STS: variants seen among roughly 807,000 people sequenced by gnomAD.
STS encodes steryl-sulfatase.
A neutral mutation model predicts 26.8 loss-of-function variants in STS; 7 were observed. The observed-to-expected ratio is 0.26, with a 90% CI of 0.15 to 0.49. The LOEUF (loss-of-function observed/expected upper bound fraction) is 0.49, where lower values mean the gene tolerates loss of function less well. Among genes scored for constraint, STS ranks in the 20% least tolerant of loss-of-function variants. The probability of loss-of-function intolerance (pLI) is 0.98; values close to 1 mark genes in which losing one functional copy is unlikely to be tolerated. For synonymous variants in STS, 199 were observed against 189.4 expected, an observed-to-expected ratio of 1.05 and a Z score of -0.42; for missense variants, 434 against 465.6, an observed-to-expected ratio of 0.93 and a Z score of 0.63.
chrX:7,253,300 T>C lies in STS; in HGVS notation c.101T>C (p.Ile34Thr), dbSNP rs912601713. The C allele has an allele frequency of 5.8e-6, 7 of 1,209,756 alleles. No individual in the cohort carries two copies. The highest frequency in any genetic ancestry group is 5.9e-5 in the East Asian group (2 of 33,756). The change falls in exon 3 of 11, where the codon ATT becomes ACT. Residue 34 changes from isoleucine (I) to threonine (T), a missense_variant. Physicochemically the swap from Ile to Thr is moderately conservative, Grantham distance 89 (BLOSUM62 -1). Coordinates refer to ENST00000674429, the MANE Select transcript of STS (RefSeq NM_001320752.2). ...IILVMADDLG[I>T]GDPGCYGNKT... ...CTGGTGATGGCTGACGACCTCGGCATTGGAGATCCTGGGTGCTATGGGAAC... is the reference window on the plus strand; with the variant it reads ...CTGGTGATGGCTGACGACCTCGGCACTGGAGATCCTGGGTGCTATGGGAAC...
intron 10 of STS, among the ~76,000 whole-genome samples, chrX:7,337,235 A>G (rs1424438172): frequency 8.9e-6 from 1 of 112,218 alleles, no homozygotes; most frequent in Non-Finnish European, 1.9e-5. Flanking sequence ...TTTTTCCTAG[A>G]AATATGTATT....
intron 2 of STS, among the ~76,000 whole-genome samples, chrX:7,228,139 G>A: frequency 9.0e-6 from 1 of 111,291 alleles, no homozygotes. Context: ...TGGGCATTTA[G>A]GTTGCTTCCA....
intron 2 of STS, among the ~76,000 whole-genome samples, chrX:7,226,565 G>A (rs1240589056): frequency 5.4e-5 from 6 of 111,314 alleles, no homozygotes; most frequent in Non-Finnish European, 7.5e-5. Flanking sequence ...TCTCTAAAAC[G>A]TTTGCATGAG....
At chrX:7,191,677 AT>A (rs1303592618) in intron 2 of STS, among the ~76,000 whole-genome samples, 3 of 107,853 alleles carry the variant, frequency 2.8e-5, no homozygotes, top group African/African-American at 1.0e-4. Context: ...GTCTGAGGGC[AT>A]AACCAGGTCT....
chrX:7,241,564 G>A (rs1263641486), intron 2 of STS, among the ~76,000 whole-genome samples: 24 of 112,058 alleles, frequency 2.1e-4, no homozygotes, highest in African/African-American at 7.5e-4. Flanking sequence ...AATGAAACAT[G>A]TTCTTAAAAT....
In STS at chrX:7,231,073, T is replaced by C. The variant is rs573307665; in HGVS notation, c.-4-22123T>C. ...ATGCTCATAGTGGCATTATTCATGA[T>C]TTTCCTAAAGTGAAAGCAACCCAGA... On this transcript the variant is annotated intron_variant, in intron 2 of 10. Coordinates refer to ENST00000674429, the MANE Select transcript of STS (RefSeq NM_001320752.2). Among the ~76,000 whole-genome samples the C allele has an allele frequency of 5.4e-5, 6 of 111,942 alleles. No homozygotes were observed. In the South Asian group the frequency reaches 1.5e-3, roughly 28 times the overall value.
chrX:7,321,386 T>TA (rs1380096009), intron 8 of STS, among the ~76,000 whole-genome samples: 1 of 111,757 alleles, frequency 8.9e-6, no homozygotes, highest in Non-Finnish European at 1.9e-5. Context: ...CCATGCAGAT[T>TA]ACCTATATAA....
intron 5 of STS, 128 bp downstream of exon 5, chrX:7,257,716 C>A: frequency 1.1e-6 from 1 of 880,523 alleles, no homozygotes; most frequent in Non-Finnish European, 1.6e-6. Flanking sequence ...TGCTGGTACA[C>A]TTTGCATAAC....
intron 1 of STS, among the ~76,000 whole-genome samples, chrX:7,183,017 A>G (rs1209772635): frequency 8.9e-6 from 1 of 112,159 alleles, no homozygotes; most frequent in Non-Finnish European, 1.9e-5. Flanking sequence ...TCGCGGAGGC[A>G]TGATGTGAAG....
intron 2 of STS, among the ~76,000 whole-genome samples, chrX:7,232,403 A>C (rs1238524717): frequency 8.9e-6 from 1 of 111,763 alleles, no homozygotes; most frequent in Non-Finnish European, 1.9e-5. Flanking sequence ...CACCTTGAGA[A>C]ATAGAGAATG....
chrX:7,175,179 TAA>T (rs143220502), intron 1 of STS, among the ~76,000 whole-genome samples: 550 of 42,060 alleles, frequency 0.013, 1 homozygote, highest in Non-Finnish European at 0.018. Context: ...TCTGAGCTGG[TAA>T]AAAAAAAAAA....
intron 7 of STS, among the ~76,000 whole-genome samples, chrX:7,285,866 A>G (rs1277175473): frequency 8.9e-6 from 1 of 111,812 alleles, no homozygotes; most frequent in South Asian, 3.7e-4. Context: ...TTAATCCCCA[A>G]TGCTTATAGG....
chrX:7,250,359 G>A (rs1177842335), intron 2 of STS, among the ~76,000 whole-genome samples: 1 of 107,979 alleles, frequency 9.3e-6, no homozygotes, highest in Non-Finnish European at 1.9e-5. Flanking sequence ...TTAAGTTCAT[G>A]CCAGATTTTG....
chrX:7,208,575 T>G (rs957045095), intron 2 of STS, among the ~76,000 whole-genome samples: 11 of 111,903 alleles, frequency 9.8e-5, no homozygotes, highest in Non-Finnish European at 1.9e-4. Context: ...TTTCTAGACT[T>G]GGAAACTCCT....
intron 1 of STS, among the ~76,000 whole-genome samples, chrX:7,151,096 A>G (rs142031140): frequency 0.017 from 1,936 of 112,705 alleles, 20 homozygotes; most frequent in Admixed American, 0.037. Flanking sequence ...CACAACATGT[A>G]AACTTAAACA....
Position 7,324,028 on chromosome X carries a change from C to G in STS, c.1082-1311C>G, listed in dbSNP as rs148903744. Among the ~76,000 whole-genome samples the G allele has an allele frequency of 1.5e-4, 17 of 111,774 alleles. No homozygotes were observed. The East Asian group carries it at 4.5e-3, about 30-fold the overall frequency. On this transcript the variant is annotated intron_variant, in intron 8 of 10. Transcript: ENST00000674429. Reference sequence around the variant, plus strand: ...TCATTCTGAGCCAAGTTGACACAGCCCCGGGAGATCCTAAGAATATGTACC... The same window carrying G: ...TCATTCTGAGCCAAGTTGACACAGCGCCGGGAGATCCTAAGAATATGTACC...
chrX:7,337,667 C>T (rs1928097569), intron 10 of STS, among the ~76,000 whole-genome samples: 2 of 112,342 alleles, frequency 1.8e-5, no homozygotes, highest in African/African-American at 6.5e-5. Context: ...AGCTCCTGAT[C>T]GTTCAGAAAT....
chrX:7,323,624 C>T (rs191989019), intron 8 of STS, among the ~76,000 whole-genome samples: 76 of 111,705 alleles, frequency 6.8e-4, no homozygotes, highest in South Asian at 1.9e-3. Flanking sequence ...CAATCCCTGT[C>T]GATGGGCACC....
At chrX:7,148,971 C>G (rs764008665) in intron 1 of STS, among the ~76,000 whole-genome samples, 7 of 108,954 alleles carry the variant, frequency 6.4e-5, no homozygotes, top group South Asian at 7.7e-4. Context: ...CGTTTGCCAT[C>G]GTCAAAAAAA....
Sources: gnomAD v4.1 joint callset for allele counts (sites outside exome capture counted in the v4.1 genomes callset) on GRCh38, gnomAD v4.1.1 for gene constraint, MANE v1.5 for transcripts, NCBI Gene and HGNC (gene_info 2026-07-23, HGNC 2026-07-21) for gene names.